STXBP4: variants seen among roughly 807,000 people sequenced by gnomAD.
STXBP4 encodes syntaxin binding protein 4, also known as syntaxin-binding protein 4.
A neutral mutation model predicts 76.1 loss-of-function variants in STXBP4; 55 were observed. That is an observed-to-expected ratio of 0.72 (90% CI 0.58 to 0.91). STXBP4 has a LOEUF of 0.91. Ranked by LOEUF, STXBP4 falls within the 40% of genes least tolerant of loss-of-function variation. The probability of loss-of-function intolerance (pLI) is 0.00; values close to 1 mark genes in which losing one functional copy is unlikely to be tolerated. For missense variants in STXBP4, 618 were observed against 636.9 expected (o/e 0.97, Z 0.32); for synonymous variants, 201 against 220.2 (o/e 0.91, Z 0.77).
At chr17:55,051,470 TTAG>T (rs2078857863) in intron 12 of STXBP4, among the ~76,000 whole-genome samples, 1 of 152,308 alleles carries the variant, frequency 6.6e-6, no homozygotes, top group South Asian at 2.1e-4. Context: ...TTTTATTGTT[TTAG>T]TGGTGGGGCA....
At chr17:55,194,087 A>G in the STXBP4 span, among the ~76,000 whole-genome samples, 1 of 152,112 alleles carries the variant, frequency 6.6e-6, no homozygotes, top group African/African-American at 2.4e-5. Flanking sequence ...CACCTTACAC[A>G]TATGCCTGCA....
intron 1 of STXBP4, among the ~76,000 whole-genome samples, chr17:54,985,330 AAACAAC>A (rs367752984): frequency 2.0e-5 from 3 of 152,044 alleles, no homozygotes; most frequent in Non-Finnish European, 2.9e-5. Flanking sequence ...AGGAGAAGAA[AAACAAC>A]AACAACAACA....
intron 16 of STXBP4, among the ~76,000 whole-genome samples, chr17:55,123,316 G>A (rs943805278): frequency 6.6e-6 from 1 of 152,022 alleles, no homozygotes; most frequent in East Asian, 1.9e-4. Flanking sequence ...TTGGTATGAT[G>A]GACTGCATCA....
Position 54,986,173 on chromosome 17 carries a change from A to G in STXBP4, c.-47A>G. ...AAGAATTTCTAGACTCTTCATCAAG[A>G]TCTTCATTTATACAGCTGTTAAATC... On this transcript the variant is annotated 5_prime_UTR_variant, in exon 3 of 18. Coordinates refer to ENST00000376352, the MANE Select transcript of STXBP4 (RefSeq NM_178509.6). The G allele has an allele frequency of 6.7e-7, 1 of 1,487,164 alleles. No individual in the cohort carries two copies. The highest frequency in any genetic ancestry group is 1.4e-5 in the African/African-American group (1 of 71,216). The allele number at this position is 1,487,164 out of a possible 1,614,324, so 92.1% of individuals were successfully genotyped here. A position where few individuals can be genotyped will look rare whatever the true frequency, so the allele number is the denominator to read the frequency against.
intron 4 of STXBP4, among the ~76,000 whole-genome samples, chr17:54,998,618 A>G (rs1227750536): frequency 1.3e-5 from 2 of 152,200 alleles, no homozygotes; most frequent in Admixed American, 1.3e-4. Context: ...TGCACAGCCA[A>G]CTAGGCCTTA....
chr17:54,993,072 T>C (rs1045253293), intron 4 of STXBP4, among the ~76,000 whole-genome samples: 2 of 152,166 alleles, frequency 1.3e-5, no homozygotes, highest in African/African-American at 2.4e-5. Context: ...TGAAAACTAT[T>C]TGGAGTTAGA....
chr17:55,149,414 T>A (rs2080191024), intron 17 of STXBP4, among the ~76,000 whole-genome samples: 1 of 152,232 alleles, frequency 6.6e-6, no homozygotes, highest in Non-Finnish European at 1.5e-5. Flanking sequence ...TTGGTAGTGG[T>A]AAGTTATTTC....
intron 16 of STXBP4, among the ~76,000 whole-genome samples, chr17:55,116,019 A>G (rs1257138736): frequency 6.6e-6 from 1 of 151,886 alleles, no homozygotes; most frequent in Non-Finnish European, 1.5e-5. Flanking sequence ...GTAACCCAGT[A>G]TAGGTGTAAA....
chr17:54,990,919 T>C lies in STXBP4; in HGVS notation c.142T>C (p.Tyr48His). The C allele has an allele frequency of 6.2e-7, 1 of 1,600,944 alleles. No individual in the cohort carries two copies. The highest frequency in any genetic ancestry group is 8.5e-7 in the Non-Finnish European group (1 of 1,175,856). Reference sequence around the variant, plus strand: ...TAACCGGAATGAAGGCCCATTGGTATATATTCAGGAAATTATTCCTGGAGG... The same window carrying C: ...TAACCGGAATGAAGGCCCATTGGTACATATTCAGGAAATTATTCCTGGAGG... ...GINRNEGPLV[Y>H]IQEIIPGGDC... The change falls in exon 4 of 18, where the codon TAT (tyrosine) becomes CAT (histidine). Residue 48 changes from tyrosine to histidine, a missense_variant. Coordinates refer to ENST00000376352, the MANE Select transcript of STXBP4 (RefSeq NM_178509.6).
intron 16 of STXBP4, among the ~76,000 whole-genome samples, chr17:55,127,896 G>C (rs1171338341): frequency 6.6e-6 from 1 of 152,126 alleles, no homozygotes. Flanking sequence ...GATCAGTGGT[G>C]TTTAGAGTTT....
the STXBP4 span, among the ~76,000 whole-genome samples, chr17:55,203,783 C>A: frequency 1.3e-5 from 2 of 152,086 alleles, no homozygotes; most frequent in Non-Finnish European, 2.9e-5. Context: ...TATCTTCTGG[C>A]TTCCATTATT....
chr17:55,042,310 ATCT>A (rs2078714277), intron 10 of STXBP4, among the ~76,000 whole-genome samples: 3 of 152,176 alleles, frequency 2.0e-5, no homozygotes, highest in Admixed American at 1.3e-4. Flanking sequence ...TTGTTTCTTC[ATCT>A]GTAAAATGGA....
At chr17:55,024,076 C>T (rs1358342422) in intron 8 of STXBP4, among the ~76,000 whole-genome samples, 5 of 151,972 alleles carry the variant, frequency 3.3e-5, no homozygotes, top group Non-Finnish European at 5.9e-5. Flanking sequence ...ATGCCCTCTG[C>T]GAAAATGAAA....
chr17:55,113,753 T>C (rs1324847379), intron 16 of STXBP4, among the ~76,000 whole-genome samples: 1 of 152,172 alleles, frequency 6.6e-6, no homozygotes, highest in East Asian at 1.9e-4. Flanking sequence ...CATTTTGGCC[T>C]AATTACTTTT....
intron 16 of STXBP4, among the ~76,000 whole-genome samples, chr17:55,082,536 A>G (rs1375376761): frequency 1.3e-5 from 2 of 152,130 alleles, no homozygotes; most frequent in Non-Finnish European, 2.9e-5. Context: ...ATTATACAGG[A>G]CACAGAACAA....
In STXBP4 at chr17:55,173,213, G is replaced by A. The variant is rs993272397; in HGVS notation, c.*13302G>A. On this transcript the variant is annotated 3_prime_UTR_variant, in exon 18 of 18. Transcript: ENST00000376352. The stretch of plus-strand genomic sequence containing the variant: ...AATGCAGAAAAAAGTGACTTTTGGG[G>A]GAGTGCAGAGTTCTATGAATTTTTA... 4.6e-5 allele frequency: 7 copies of A among 152,038 alleles called. No individual in the cohort carries two copies. Among genetic ancestry groups the A allele is most frequent in the African/African-American group, 1.5e-4 (6 of 41,358 alleles). The allele number at this position is 152,038 out of a possible 1,614,324, so 9.4% of individuals were successfully genotyped here.
chr17:55,000,279 G>A (rs2077887038), intron 6 of STXBP4: 1 of 985,150 alleles, frequency 1.0e-6, no homozygotes, highest in African/African-American at 1.7e-5. Context: ...GCTCCTTCAT[G>A]TGTGCATGCT....
rs2080414706 is a variant in STXBP4, at chr17:55,172,953, G to A, written c.*13042G>A. The A allele has an allele frequency of 6.6e-6, 1 of 152,210 alleles. No individual in the cohort carries two copies. Among genetic ancestry groups the A allele is most frequent in the Non-Finnish European group, 1.5e-5 (1 of 68,046 alleles). The allele number at this position is 152,210 out of a possible 1,614,324, so 9.4% of individuals were successfully genotyped here. A position where few individuals can be genotyped will look rare whatever the true frequency, so the allele number is the denominator to read the frequency against. ...CCTTTTACTGGAAAAGGAAAAGACTGAGATAAGTTTCCAAAACCCCTGCTG... is the reference window on the plus strand; with the variant it reads ...CCTTTTACTGGAAAAGGAAAAGACTAAGATAAGTTTCCAAAACCCCTGCTG... On this transcript the variant is annotated 3_prime_UTR_variant, in exon 18 of 18. Coordinates refer to ENST00000376352, the MANE Select transcript of STXBP4 (RefSeq NM_178509.6).
At chr17:55,083,395 C>T (rs1209307823) in intron 16 of STXBP4, among the ~76,000 whole-genome samples, 3 of 152,266 alleles carry the variant, frequency 2.0e-5, no homozygotes, top group East Asian at 3.9e-4. Context: ...CTATCACATT[C>T]CTAGCACAAA....
Sources: gnomAD v4.1 joint callset for allele counts (sites outside exome capture counted in the v4.1 genomes callset) on GRCh38, gnomAD v4.1.1 for gene constraint, MANE v1.5 for transcripts, NCBI Gene and HGNC (gene_info 2026-07-23, HGNC 2026-07-21) for gene names.